CPT1A: variants seen among roughly 807,000 people sequenced by gnomAD.
CPT1A encodes the protein carnitine O-palmitoyltransferase 1, liver isoform.
A neutral mutation model predicts 100.8 loss-of-function variants in CPT1A; 64 were observed. The ratio of observed to expected loss-of-function variants is 0.63; its 90% CI spans 0.52 to 0.78. CPT1A has a LOEUF of 0.78. Ranked by LOEUF, CPT1A falls within the 30% of genes least tolerant of loss-of-function variation. The pLI, the probability that CPT1A is intolerant of heterozygous loss-of-function variation, is 0.00. For missense variants in CPT1A, 802 were observed against 1,034.1 expected, an observed-to-expected ratio of 0.78 and a Z score of 3.08; for synonymous variants, 363 against 396.0, an observed-to-expected ratio of 0.92 and a Z score of 0.99.
At chr11:68,825,321 A>G (rs1194536677) in intron 1 of CPT1A, among the ~76,000 whole-genome samples, 1 of 152,174 alleles carries the variant, frequency 6.6e-6, no homozygotes, top group Non-Finnish European at 1.5e-5. Flanking sequence ...TCATGTTTGG[A>G]GAGCTCCTCA....
At chr11:68,792,061 A>C (rs932040146) in intron 9 of CPT1A, among the ~76,000 whole-genome samples, 1 of 152,050 alleles carries the variant, frequency 6.6e-6, no homozygotes, top group African/African-American at 2.4e-5. Flanking sequence ...AGGTCAGGCC[A>C]GGCATGGTGG....
chr11:68,797,705 C>T (rs1855789389), intron 6 of CPT1A, among the ~76,000 whole-genome samples: 4 of 151,514 alleles, frequency 2.6e-5, no homozygotes, highest in South Asian at 4.2e-4. Context: ...AGGCCAGGAG[C>T]GGTGGCTCAC....
intron 16 of CPT1A, among the ~76,000 whole-genome samples, chr11:68,760,782 G>A (rs190521240): frequency 5.9e-5 from 9 of 152,262 alleles, no homozygotes; most frequent in African/African-American, 2.2e-4. Context: ...GGAACCCGAC[G>A]CGGGTGGATT....
chr11:68,800,708 A>G (rs1329918048), intron 5 of CPT1A, among the ~76,000 whole-genome samples: 2 of 152,106 alleles, frequency 1.3e-5, no homozygotes. Context: ...TTGTCATGAC[A>G]TATTTTAATC....
chr11:68,798,921 G>A (rs769815434), intron 6 of CPT1A, among the ~76,000 whole-genome samples: 4 of 152,146 alleles, frequency 2.6e-5, no homozygotes, highest in South Asian at 2.1e-4. Flanking sequence ...CAGCACTTTG[G>A]GAGGCCGAGG....
Position 68,798,098 on chromosome 11 carries a change from G to A in CPT1A, c.693+1120C>T, listed in dbSNP as rs575341496. On this transcript the variant is annotated intron_variant, in intron 6 of 18. Transcript: ENST00000265641. ...TCCCAGTCCGTGGCACTAACCTGGT[G>A]TTCCGCAGGTGTTGTCTCTATTCCC... is the stretch of plus-strand genomic sequence containing the variant. 3.3e-5 allele frequency among the ~76,000 whole-genome samples: 5 copies of A among 152,360 alleles called. No homozygotes were observed. In the East Asian group the frequency reaches 9.6e-4, roughly 29 times the overall value.
At chr11:68,790,540 A>C (rs150691909) in intron 9 of CPT1A, among the ~76,000 whole-genome samples, 10 of 152,312 alleles carry the variant, frequency 6.6e-5, no homozygotes, top group African/African-American at 2.2e-4. Context: ...CTACAAGCCA[A>C]GGAGCACCTG....
chr11:68,765,917 G>A (rs1403048335), intron 14 of CPT1A, among the ~76,000 whole-genome samples: 2 of 151,896 alleles, frequency 1.3e-5, no homozygotes, highest in African/African-American at 4.8e-5. Flanking sequence ...TGTCGCCCAG[G>A]CTGGAGTGCA....
chr11:68,837,414 G>A (rs1857036149), intron 1 of CPT1A, among the ~76,000 whole-genome samples: 1 of 152,212 alleles, frequency 6.6e-6, no homozygotes, highest in Non-Finnish European at 1.5e-5. Context: ...AATGTGACCT[G>A]ATGACCACAG....
chr11:68,766,658 T>G (rs191229561), intron 14 of CPT1A, among the ~76,000 whole-genome samples: 42 of 151,854 alleles, frequency 2.8e-4, no homozygotes, highest in Admixed American at 2.6e-3. Flanking sequence ...GCTAATTTTT[T>G]GCATTTTTTG....
chr11:68,790,834 A>AT (rs145386670), intron 9 of CPT1A, among the ~76,000 whole-genome samples: 4,248 of 151,854 alleles, frequency 0.028, 199 homozygotes, highest in African/African-American at 0.097. Flanking sequence ...TCATATACAT[A>AT]TTTTTTTGAG....
chr11:68,802,572 C>CA (rs1186647571), intron 5 of CPT1A, among the ~76,000 whole-genome samples: 3,328 of 144,266 alleles, frequency 0.023, 120 homozygotes, highest in African/African-American at 0.08. Context: ...ACTAAAAATA[C>CA]AAAAAAAAAA....
chr11:68,787,413 G>A (rs1855493764), intron 9 of CPT1A, among the ~76,000 whole-genome samples: 1 of 145,090 alleles, frequency 6.9e-6, no homozygotes, highest in African/African-American at 2.6e-5. Flanking sequence ...CAGCCTGGGC[G>A]ACAGCAAGAC....
At chr11:68,768,528 C>A (rs145120289) in intron 14 of CPT1A, among the ~76,000 whole-genome samples, 17 of 152,132 alleles carry the variant, frequency 1.1e-4, no homozygotes, top group Non-Finnish European at 1.6e-4. Flanking sequence ...CCCGCCTCAG[C>A]CTCTCAAGTA....
intron 14 of CPT1A, among the ~76,000 whole-genome samples, chr11:68,764,076 C>T (rs1001424713): frequency 1.3e-5 from 2 of 152,196 alleles, no homozygotes; most frequent in African/African-American, 4.8e-5. Context: ...GCCCCTGAGG[C>T]TGAGCCTTGG....
Position 68,757,639 on chromosome 11 carries a change from T to G in CPT1A, c.*5A>C. The stretch of plus-strand genomic sequence containing the variant: ...TCGTTTTCCTTCCCAGCAGCTCCAG[T>G]GGAATTACTTTTTGGAATTAGAACT... On this transcript the variant is annotated 3_prime_UTR_variant, in exon 19 of 19. Transcript: ENST00000265641. 1.2e-6 allele frequency: 2 copies of G among 1,614,106 alleles called. No homozygotes were observed. The highest frequency in any genetic ancestry group is 1.7e-6 in the Non-Finnish European group (2 of 1,179,984).
intron 3 of CPT1A, among the ~76,000 whole-genome samples, chr11:68,810,194 A>T (rs1316578242): frequency 6.6e-6 from 1 of 151,944 alleles, no homozygotes; most frequent in Non-Finnish European, 1.5e-5. Flanking sequence ...AAAAAAAAGA[A>T]GATATTCATT....
At chr11:68,799,395 A>T (rs1261236429) in intron 5 of CPT1A, 40 bp from the exon 6 acceptor site, 5 of 1,607,862 alleles carry the variant, frequency 3.1e-6, no homozygotes, top group South Asian at 1.1e-5. Flanking sequence ...CCAAGTTAAA[A>T]CATATTAATC....
At chr11:68,783,438 C>G (rs1159053297) in intron 10 of CPT1A, among the ~76,000 whole-genome samples, 1 of 152,148 alleles carries the variant, frequency 6.6e-6, no homozygotes, top group African/African-American at 2.4e-5. Flanking sequence ...GCATGCGGCT[C>G]CACCCCCTGG....
Sources: allele counts gnomAD v4.1 joint callset (sites outside exome capture counted in the v4.1 genomes callset), GRCh38; gene constraint gnomAD v4.1.1; transcripts MANE v1.5; gene names NCBI Gene and HGNC (gene_info 2026-07-23, HGNC 2026-07-21).